The following OVCH1 variants were observed in gnomAD, a reference collection of about 807,000 sequenced individuals.
OVCH1 encodes ovochymase-1.
OVCH1 carries 139 observed loss-of-function variants against 138.4 expected under a neutral mutation model. That is an observed-to-expected ratio of 1.00 (90% confidence interval 0.87 to 1.16). OVCH1 has a LOEUF of 1.16. Among genes scored for constraint, OVCH1 ranks in the 50% most tolerant of loss-of-function variants. The pLI, the probability that OVCH1 is intolerant of heterozygous loss-of-function variation, is 0.00. For synonymous variants in OVCH1, 453 were observed against 467.8 expected (o/e 0.97, Z 0.41); for missense variants, 1,367 against 1,357.9 (o/e 1.01, Z -0.11).
exon 21 of OVCH1, chr12:29,454,885 T>C: frequency 1.2e-6 from 2 of 1,613,056 alleles, no homozygotes; most frequent in Non-Finnish European, 1.7e-6. Context: ...TGGTGGCAAT[T>C]GTTGTTTTAA....
intron 1 of OVCH1, among the ~76,000 whole-genome samples, chr12:29,497,105 A>G (rs1366818640): frequency 6.6e-6 from 1 of 152,110 alleles, no homozygotes; most frequent in Non-Finnish European, 1.5e-5. Context: ...CCATCTCTAC[A>G]AAAAAATGTA....
chr12:29,430,793 C>T (rs930990742), intron 27 of OVCH1: 8 of 432,778 alleles, frequency 1.8e-5, no homozygotes, highest in South Asian at 3.6e-5. Context: ...GGAGTCTGCA[C>T]ACCAGATTAA....
downstream of OVCH1, among the ~76,000 whole-genome samples, chr12:29,409,519 A>T (rs7487771): frequency 2.6e-5 from 4 of 151,424 alleles, no homozygotes; most frequent in Admixed American, 6.6e-5. Context: ...CTTTGTTCTC[A>T]TTGGTTTCAG....
At chr12:29,432,731 A>T (rs1592033510) in intron 27 of OVCH1, among the ~76,000 whole-genome samples, 1 of 152,254 alleles carries the variant, frequency 6.6e-6, no homozygotes, top group South Asian at 2.1e-4. Context: ...AAAGGAAGAG[A>T]GTCAAAGACT....
intron 5 of OVCH1, among the ~76,000 whole-genome samples, chr12:29,490,098 C>T (rs745797191): frequency 6.6e-6 from 1 of 152,154 alleles, no homozygotes; most frequent in African/African-American, 2.4e-5. Context: ...AGGTGTCCCT[C>T]TGTCACTCAG....
At chr12:29,445,195 G>T in intron 23 of OVCH1, 83 bp downstream of exon 23, 4 of 1,359,838 alleles carry the variant, frequency 2.9e-6, no homozygotes, top group Non-Finnish European at 4.0e-6. Flanking sequence ...CTTTCAAAAT[G>T]TTGTATATGT....
At chr12:29,492,722 A>G (rs1402489458) in intron 4 of OVCH1, among the ~76,000 whole-genome samples, 1 of 152,164 alleles carries the variant, frequency 6.6e-6, no homozygotes, top group Non-Finnish European at 1.5e-5. Context: ...TTAGATGTTT[A>G]AATTATTGAT....
intron 25 of OVCH1, among the ~76,000 whole-genome samples, chr12:29,441,776 A>T (rs1369312539): frequency 1.3e-5 from 2 of 152,122 alleles, no homozygotes; most frequent in East Asian, 3.8e-4. Flanking sequence ...AATTTACAAG[A>T]AAAAAACAAA....
At chr12:29,469,715 TAA>T (rs111496328) in intron 16 of OVCH1, among the ~76,000 whole-genome samples, 5 of 147,994 alleles carry the variant, frequency 3.4e-5, no homozygotes, top group African/African-American at 7.4e-5. Context: ...CCCCGTGTCT[TAA>T]AAAAAAAAAA....
chr12:29,496,448 G>A, intron 2 of OVCH1, 108 bp downstream of exon 2: 1 of 1,156,876 alleles, frequency 8.6e-7, no homozygotes. Flanking sequence ...TAGAGAGCTA[G>A]AGGGGTTCAG....
exon 25 of OVCH1, chr12:29,443,473 T>C (rs1409727255): frequency 2.0e-5 from 32 of 1,607,070 alleles, no homozygotes; most frequent in Non-Finnish European, 2.6e-5. Flanking sequence ...TGATGTGATT[T>C]AAAGGGGCTA....
chr12:29,415,079 TCTCA>T (rs1425982771), intron 3 of OVCH1, among the ~76,000 whole-genome samples: 1 of 152,138 alleles, frequency 6.6e-6, no homozygotes, highest in Non-Finnish European at 1.5e-5. Flanking sequence ...AAAAGTCATC[TCTCA>T]CTCTTCCCAG....
chr12:29,455,065 T>C, intron 20 of OVCH1, 132 bp from the exon 21 acceptor site: 1 of 1,125,758 alleles, frequency 8.9e-7, no homozygotes, highest in South Asian at 1.6e-5. Context: ...TAAGGAAAAG[T>C]CAGTTTAACT....
chr12:29,465,248 A>T (rs1234139332), intron 16 of OVCH1, 29 bp from the exon 17 acceptor site: 1 of 1,537,904 alleles, frequency 6.5e-7, no homozygotes, highest in East Asian at 2.3e-5. Context: ...TGAAAGTTTG[A>T]CATGAAAACA....
At chr12:29,441,520 A>G (rs1453445067) in intron 25 of OVCH1, among the ~76,000 whole-genome samples, 1 of 152,208 alleles carries the variant, frequency 6.6e-6, no homozygotes, top group Non-Finnish European at 1.5e-5. Flanking sequence ...AAAAAACCCT[A>G]GAACAAAACC....
chr12:29,446,942 A>T (rs1204953695), intron 22 of OVCH1, among the ~76,000 whole-genome samples: 1 of 150,978 alleles, frequency 6.6e-6, no homozygotes, highest in African/African-American at 2.5e-5. Context: ...AAATTAAAAA[A>T]TTTTTACATT....
chr12:29,406,015 C>T, the OVCH1 span, among the ~76,000 whole-genome samples: 3 of 152,192 alleles, frequency 2.0e-5, no homozygotes, highest in Non-Finnish European at 4.4e-5. Context: ...CTTTTCCACC[C>T]ATTTACCATT....
intron 26 of OVCH1, among the ~76,000 whole-genome samples, chr12:29,436,931 T>C (rs552374928): frequency 6.6e-6 from 1 of 152,352 alleles, no homozygotes; most frequent in African/African-American, 2.4e-5. Flanking sequence ...AGCGGGTTGC[T>C]GCTGCTGGCC....
chr12:29,405,049 A>AAAAAAAAAAG, the OVCH1 span, among the ~76,000 whole-genome samples: 1 of 142,648 alleles, frequency 7.0e-6, no homozygotes, highest in Non-Finnish European at 1.6e-5. Context: ...AAAAAAAAAA[A>AAAAAAAAAAG]AAAAAAACAA....
Sources: gnomAD v4.1 joint callset for allele counts (sites outside exome capture counted in the v4.1 genomes callset) on GRCh38, gnomAD v4.1.1 for gene constraint, MANE v1.5 for transcripts, NCBI Gene and HGNC (gene_info 2026-07-23, HGNC 2026-07-21) for gene names.